The following SCOC variants were observed in gnomAD, a reference collection of about 807,000 sequenced individuals.
The protein encoded by SCOC is short coiled-coil protein, also known as short coiled coil protein.
A neutral mutation model predicts 9.9 loss-of-function variants in SCOC; 7 were observed. The ratio of observed to expected loss-of-function variants is 0.71; its 90% CI spans 0.40 to 1.33. The LOEUF is 1.33. SCOC is among the 40% of genes most tolerant of loss of function. The pLI is 0.01. For synonymous variants in SCOC, 19 were observed against 28.2 expected (o/e 0.67, Z 1.03); for missense variants, 66 against 89.7 (o/e 0.74, Z 1.07).
intron 1 of SCOC, among the ~76,000 whole-genome samples, chr4:140,305,943 T>C (rs1316763559): frequency 1.3e-5 from 2 of 152,220 alleles, no homozygotes; most frequent in African/African-American, 2.4e-5. Context: ...AAATCCTTCT[T>C]TCTTGAGCTT....
At chr4:140,325,418 A>G (rs569998083) in intron 1 of SCOC, among the ~76,000 whole-genome samples, 1 of 152,152 alleles carries the variant, frequency 6.6e-6, no homozygotes, top group South Asian at 2.1e-4. Context: ...TGCAAATCAC[A>G]TATCTGACAA....
intron 2 of SCOC, among the ~76,000 whole-genome samples, chr4:140,358,339 C>T (rs965390223): frequency 6.6e-6 from 1 of 152,184 alleles, no homozygotes; most frequent in African/African-American, 2.4e-5. Flanking sequence ...CTGCTAAGAG[C>T]TAACATTTCC....
chr4:140,265,384 T>A (rs780087255), intron 1 of SCOC, among the ~76,000 whole-genome samples: 1 of 152,204 alleles, frequency 6.6e-6, no homozygotes, highest in Non-Finnish European at 1.5e-5. Context: ...GTATATTGCA[T>A]GTATCTTCTG....
chr4:140,266,642 T>C (rs1413905375), intron 1 of SCOC, among the ~76,000 whole-genome samples: 2 of 152,142 alleles, frequency 1.3e-5, no homozygotes, highest in African/African-American at 2.4e-5. Flanking sequence ...TCTATTAATA[T>C]ATTAGAATAT....
chr4:140,317,698 A>G (rs1162080903), intron 1 of SCOC, among the ~76,000 whole-genome samples: 2 of 127,820 alleles, frequency 1.6e-5, no homozygotes, highest in African/African-American at 5.8e-5. Context: ...TATTATTATT[A>G]TTATTATTTT....
chr4:140,275,112 A>G (rs780201433), intron 1 of SCOC, among the ~76,000 whole-genome samples: 6 of 152,234 alleles, frequency 3.9e-5, no homozygotes, highest in Non-Finnish European at 8.8e-5. Flanking sequence ...TGATTGGTCC[A>G]TGCAAGGCTT....
chr4:140,320,093 G>C (rs1057183866), intron 1 of SCOC, among the ~76,000 whole-genome samples: 22 of 152,174 alleles, frequency 1.4e-4, no homozygotes, highest in African/African-American at 2.4e-5. Flanking sequence ...CACAGGATGA[G>C]ATAGGAGGTC....
intron 1 of SCOC, 45 bp from the exon 2 acceptor site, chr4:140,379,076 T>A (rs1219356486): frequency 4.3e-6 from 5 of 1,152,588 alleles, no homozygotes; most frequent in Non-Finnish European, 6.6e-6. Context: ...AGGCTTATAG[T>A]TTATTGCTGT....
At chr4:140,379,679 G>A (rs1192948098) in intron 3 of SCOC, 27 bp downstream of exon 3, 8 of 1,486,922 alleles carry the variant, frequency 5.4e-6, no homozygotes, top group Non-Finnish European at 5.6e-6. Context: ...TAGTTTATTT[G>A]AATGACAGCC....
Position 140,384,410 on chromosome 4 carries a change from T to C in SCOC, c.*3306T>C, listed in dbSNP as rs750313310. 4 of 152,222 alleles carry C rather than the reference T, an allele frequency of 2.6e-5. No homozygotes were observed. Among genetic ancestry groups the C allele is most frequent in the African/African-American group, 4.8e-5 (2 of 41,476 alleles). The allele number at this position is 152,222 out of a possible 1,614,324, so 9.4% of individuals were successfully genotyped here. A position where few individuals can be genotyped will look rare whatever the true frequency, so the allele number is the denominator to read the frequency against. On this transcript the variant is annotated 3_prime_UTR_variant, in exon 4 of 4. Coordinates refer to ENST00000608372, the MANE Select transcript of SCOC (RefSeq NM_001153484.2). ...ATTTTAGACAGGCACCTCTGAGCCC[T>C]GTTTTTGACTAGTCCAGTTTTAGCA...
intron 1 of SCOC, among the ~76,000 whole-genome samples, chr4:140,325,463 C>T (rs1048759860): frequency 3.3e-5 from 5 of 152,090 alleles, no homozygotes; most frequent in African/African-American, 1.2e-4. Context: ...TAATATGTCT[C>T]TCTCTATATA....
intron 2 of SCOC, among the ~76,000 whole-genome samples, chr4:140,357,281 C>T (rs1263415057): frequency 1.3e-5 from 2 of 152,078 alleles, no homozygotes; most frequent in Non-Finnish European, 2.9e-5. Context: ...GCCTTAAAAT[C>T]TTTTATATAT....
intron 1 of SCOC, among the ~76,000 whole-genome samples, chr4:140,290,737 C>T (rs1310062094): frequency 1.3e-5 from 2 of 152,158 alleles, no homozygotes. Flanking sequence ...CACTTGAACC[C>T]AGGAGGTGAA....
intron 1 of SCOC, among the ~76,000 whole-genome samples, chr4:140,259,322 G>A (rs935053495): frequency 7.9e-5 from 12 of 151,902 alleles, no homozygotes; most frequent in African/African-American, 1.9e-4. Context: ...CTTGCTTTTC[G>A]TTCCTACTGT....
At chr4:140,347,296 C>G (rs1409733902) in intron 2 of SCOC, among the ~76,000 whole-genome samples, 1 of 151,948 alleles carries the variant, frequency 6.6e-6, no homozygotes, top group Non-Finnish European at 1.5e-5. Flanking sequence ...ACTGAGACAC[C>G]AAGGGCACCA....
chr4:140,343,561 C>A, intron 1 of SCOC: 1 of 1,060,480 alleles, frequency 9.4e-7, no homozygotes, highest in South Asian at 1.3e-5. Flanking sequence ...AATGATTTAA[C>A]AAGGGCGGTC....
At chr4:140,267,223 G>C (rs565174573) in intron 1 of SCOC, among the ~76,000 whole-genome samples, 7 of 152,328 alleles carry the variant, frequency 4.6e-5, no homozygotes, top group African/African-American at 1.7e-4. Context: ...CACTGGGTGG[G>C]AGGCCAAAGG....
chr4:140,373,257 A>G, upstream of SCOC: 21 of 1,271,852 alleles, frequency 1.7e-5, no homozygotes, highest in Non-Finnish European at 2.1e-5. Context: ...TGTCGCTCAT[A>G]CCAACCTCTT....
intron 1 of SCOC, among the ~76,000 whole-genome samples, chr4:140,317,268 C>G (rs2321147): frequency 0.44 from 67,471 of 151,996 alleles, 19,128 homozygotes; most frequent in African/African-American, 0.81. Context: ...TGCCTCCAAA[C>G]AAAGAAGAAG....
Sources: allele counts gnomAD v4.1 joint callset (sites outside exome capture counted in the v4.1 genomes callset), GRCh38; gene constraint gnomAD v4.1.1; transcripts MANE v1.5; gene names NCBI Gene and HGNC (gene_info 2026-07-23, HGNC 2026-07-21).